The following KIF5C variants were observed in gnomAD, a reference collection of about 807,000 sequenced individuals.
The protein encoded by KIF5C is kinesin heavy chain isoform 5C.
Under a neutral mutation model 125.2 loss-of-function variants are expected in KIF5C, and 18 were observed. That is an observed-to-expected ratio of 0.14 (90% CI 0.10 to 0.21). KIF5C has a LOEUF of 0.21. Ranked by LOEUF, KIF5C falls within the 10% of genes least tolerant of loss-of-function variation. The probability of loss-of-function intolerance (pLI) is 1.00; values close to 1 mark genes in which losing one functional copy is unlikely to be tolerated. For missense variants in KIF5C, 780 were observed against 1,183.8 expected (o/e 0.66, Z 5.01); for synonymous variants, 405 against 434.0 (o/e 0.93, Z 0.83).
At chr2:149,006,104 C>T (rs1189322973) in intron 22 of KIF5C, among the ~76,000 whole-genome samples, 1 of 152,154 alleles carries the variant, frequency 6.6e-6, no homozygotes, top group African/African-American at 2.4e-5. Flanking sequence ...GGAGACACTC[C>T]ATAATGGTGA....
At position 148,919,808 on chromosome 2, in the gene KIF5C, A is replaced by C. The variant is rs148692262; in HGVS notation, c.127-2329A>C. On this transcript the variant is annotated intron_variant, in intron 1 of 25. Transcript: ENST00000435030. Reference sequence around the variant, plus strand: ...CTCAGTGCAAGACAGGACACATAAAAATATTTACATTTTTAACTACATAAC... The same window carrying C: ...CTCAGTGCAAGACAGGACACATAAACATATTTACATTTTTAACTACATAAC... Among the ~76,000 whole-genome samples, 96 of 152,340 alleles carry C rather than the reference A, an allele frequency of 6.3e-4. No homozygotes were observed. In the Middle Eastern group the frequency reaches 0.02, roughly 32 times the overall value.
rs758474288 is a variant in KIF5C at position 148,941,631 on chromosome 2, T to C, written c.418T>C (p.Leu140=). ...CTAGGTTTCCTATTTTGAGATCTAC[T>C]TGGACAAAATAAGGGACTTACTTGA... is the stretch of plus-strand genomic sequence containing the variant. ...HIKVSYFEIY[L]DKIRDLLDVS... Residue 140 remains leucine, a synonymous_variant, in exon 5 of 26, where the codon TTG becomes CTG. Transcript: ENST00000435030. The C allele has an allele frequency of 3.8e-6, 6 of 1,560,612 alleles. No homozygotes were observed. Among genetic ancestry groups the C allele is most frequent in the Non-Finnish European group, 5.2e-6 (6 of 1,150,468 alleles).
At chr2:148,937,888 G>A (rs527785218) in intron 4 of KIF5C, among the ~76,000 whole-genome samples, 21 of 152,336 alleles carry the variant, frequency 1.4e-4, no homozygotes, top group African/African-American at 4.8e-4. Context: ...TTTGAATGTA[G>A]ACACATTTCT....
Position 148,924,578 on chromosome 2 carries a change from T to C in KIF5C, c.217+2351T>C, listed in dbSNP as rs976970988. On this transcript the variant is annotated intron_variant, in intron 2 of 25. Transcript: ENST00000435030. This position sits in a 1 kb window ranked among gnomAD's most constrained non-coding sequence, Gnocchi z 4.0. The stretch of plus-strand genomic sequence containing the variant: ...TGGTGTTTGTTTTTCAAAATTTTGC[T>C]TGAAAAAGCATGTAGAATTCTCCTC... Among the ~76,000 whole-genome samples, 2 of 152,216 alleles carry C rather than the reference T, an allele frequency of 1.3e-5. No individual in the cohort carries two copies. The highest frequency in any genetic ancestry group is 4.8e-5 in the African/African-American group (2 of 41,458).
At chr2:148,927,380 G>A (rs552147611) in intron 2 of KIF5C, among the ~76,000 whole-genome samples, 6 of 152,150 alleles carry the variant, frequency 3.9e-5, no homozygotes, top group Admixed American at 3.9e-4. Flanking sequence ...GGTCAGGATG[G>A]CTGGACCCCT....
Position 148,951,429 on chromosome 2 carries a change from C to A in KIF5C, c.968+967C>A, listed in dbSNP as rs150515107. Among the ~76,000 whole-genome samples, 247 of 152,218 alleles carry A rather than the reference C, an allele frequency of 1.6e-3. 1 individual carries two copies. The highest frequency in any genetic ancestry group is 5.6e-3 in the African/African-American group (232 of 41,528). On this transcript the variant is annotated intron_variant, in intron 10 of 25. Coordinates refer to ENST00000435030, the MANE Select transcript of KIF5C (RefSeq NM_004522.3). ...GTTACATGTGTGGTTTGGTTCATAT[C>A]TTTTTTTCTTGTCACTTTCTTTTTT...
At chr2:148,934,732 T>A (rs1682256312) in intron 3 of KIF5C, among the ~76,000 whole-genome samples, 1 of 151,410 alleles carries the variant, frequency 6.6e-6, no homozygotes. Flanking sequence ...ATTCCCTACG[T>A]CCATCTCACA....
chr2:148,875,573 C>CCCG lies in KIF5C; in HGVS notation c.-45_-44insCCG. ...CCTCCTCCCTCGTCGTTCCCGGCCC[C>CCCG]GGCCCCCCACCCATCCCCGTGCCCC... On this transcript the variant is annotated 5_prime_UTR_variant, in exon 1 of 26. Coordinates refer to ENST00000435030, the MANE Select transcript of KIF5C (RefSeq NM_004522.3). 1 of 723,616 alleles carries CCCG rather than the reference C, an allele frequency of 1.4e-6. No individual in the cohort carries two copies. Among genetic ancestry groups the CCCG allele is most frequent in the Non-Finnish European group, 2.4e-6 (1 of 408,222 alleles). The allele number at this position is 723,616 out of a possible 1,614,324, so 44.8% of individuals were successfully genotyped here.
chr2:148,954,945 A>G (rs780723308), intron 10 of KIF5C, among the ~76,000 whole-genome samples: 13 of 152,190 alleles, frequency 8.5e-5, no homozygotes, highest in Non-Finnish European at 7.4e-5. Flanking sequence ...CTGAAACACC[A>G]GTAGGGTTAA....
chr2:148,877,455 T>G (rs1464623415), intron 1 of KIF5C: 4 of 152,248 alleles, frequency 2.6e-5, no homozygotes, highest in Non-Finnish European at 5.9e-5. Context: ...GGCAGATAAG[T>G]GTTAGTGACA....
At chr2:148,939,828 A>G (rs1263948086) in intron 4 of KIF5C, among the ~76,000 whole-genome samples, 1 of 152,218 alleles carries the variant, frequency 6.6e-6, no homozygotes, top group Non-Finnish European at 1.5e-5. Flanking sequence ...TTATTTCTGA[A>G]CGTCCTATTT....
intron 1 of KIF5C, among the ~76,000 whole-genome samples, chr2:148,919,513 T>C (rs1015951776): frequency 2.6e-5 from 4 of 152,166 alleles, no homozygotes; most frequent in East Asian, 1.9e-4. Context: ...CCTTTAGCCA[T>C]GGTGGAATAA....
chr2:148,994,529 C>T lies in KIF5C; in HGVS notation c.2014C>T (p.Arg672Ter). The T allele has an allele frequency of 1.3e-6, 2 of 1,560,914 alleles. No homozygotes were observed. Among genetic ancestry groups the T allele is most frequent in the Non-Finnish European group, 1.7e-6 (2 of 1,152,536 alleles). ...DSLSEELAKL[R>*]AQEKMHEVSF... ...GCTCAGCGAAGAGCTGGCAAAGCTC[C>T]GAGCCCAGGGTAAATATTTGACTAA... The change falls in exon 17 of 26, where the codon CGA (arginine) becomes TGA (stop). Residue 672 changes from arginine to a stop codon, truncating the protein, a stop_gained. Coordinates refer to ENST00000435030, the MANE Select transcript of KIF5C (RefSeq NM_004522.3). LOFTEE classifies it high-confidence loss of function.
intron 13 of KIF5C, among the ~76,000 whole-genome samples, chr2:148,979,252 C>G (rs1278778469): frequency 1.3e-5 from 2 of 152,132 alleles, no homozygotes; most frequent in Non-Finnish European, 2.9e-5. Context: ...GGGCAGAGAC[C>G]TTTGGTTGGG....
At chr2:148,957,462 G>C (rs915009512) in intron 10 of KIF5C, among the ~76,000 whole-genome samples, 19 of 151,680 alleles carry the variant, frequency 1.3e-4, no homozygotes, top group African/African-American at 4.1e-4. Context: ...ATGGTAAAAA[G>C]AAAAAGAAAT....
chr2:148,989,139 C>T (rs1417652351), intron 15 of KIF5C, among the ~76,000 whole-genome samples: 1 of 152,114 alleles, frequency 6.6e-6, no homozygotes, highest in Non-Finnish European at 1.5e-5. Flanking sequence ...TTCCAAGTCC[C>T]CAAAGTCCAT....
At chr2:148,996,942 G>C (rs1188702962) in intron 17 of KIF5C, among the ~76,000 whole-genome samples, 1 of 152,168 alleles carries the variant, frequency 6.6e-6, no homozygotes, top group East Asian at 1.9e-4. Flanking sequence ...GAGACCAGGT[G>C]GGAAACAAGC....
At chr2:148,922,044 C>T in intron 1 of KIF5C, 93 bp from the exon 2 acceptor site, 1 of 758,960 alleles carries the variant, frequency 1.3e-6, no homozygotes, top group East Asian at 2.7e-5. Context: ...GACTTAGTGC[C>T]TATGGCCTAG....
intron 12 of KIF5C, among the ~76,000 whole-genome samples, chr2:148,975,316 A>G (rs897856511): frequency 1.3e-5 from 2 of 152,162 alleles, no homozygotes; most frequent in African/African-American, 4.8e-5. Flanking sequence ...TCTAGGAGGC[A>G]CTTCCATGTT....
Sources: gnomAD v4.1 joint callset for allele counts (sites outside exome capture counted in the v4.1 genomes callset) on GRCh38, gnomAD v4.1.1 for gene constraint, Gnocchi (gnomAD v3.1) non-coding constraint, MANE v1.5 for transcripts, NCBI Gene and HGNC (gene_info 2026-07-23, HGNC 2026-07-21) for gene names.